Variants in AAK1 observed in about 807,000 individuals in gnomAD.
AAK1 encodes the protein AP2-associated protein kinase 1.
In AAK1, 37 loss-of-function variants were observed where a neutral mutation model predicts 116.0. The observed-to-expected ratio is 0.32, with a 90% confidence interval of 0.25 to 0.42. AAK1 has a LOEUF of 0.42. AAK1 is among the 10% of genes least tolerant of loss of function. AAK1 has a pLI of 1.00. For synonymous variants in AAK1, 458 were observed against 439.9 expected, an observed-to-expected ratio of 1.04 and a Z score of -0.51; for missense variants, 919 against 1,170.6, an observed-to-expected ratio of 0.79 and a Z score of 3.14.
intron 14 of AAK1, among the ~76,000 whole-genome samples, 198 bp from the exon 15 acceptor site, chr2:69,507,776 G>A (rs895332584): frequency 2.7e-5 from 4 of 149,698 alleles, no homozygotes; most frequent in African/African-American, 9.9e-5. Context: ...GCGTGATCTC[G>A]ACTCACTGCA....
intron 17 of AAK1, among the ~76,000 whole-genome samples, chr2:69,487,133 G>C (rs766921723): frequency 3.2e-4 from 48 of 152,286 alleles, no homozygotes; most frequent in Non-Finnish European, 5.3e-4. Flanking sequence ...GCTTTAAAAT[G>C]TAAGGACTCT....
chr2:69,585,906 G>A (rs1403535485), intron 2 of AAK1, among the ~76,000 whole-genome samples: 1 of 152,090 alleles, frequency 6.6e-6, no homozygotes, highest in Non-Finnish European at 1.5e-5. Flanking sequence ...CTATTGAAAA[G>A]CACTAAAGAA....
intron 2 of AAK1, among the ~76,000 whole-genome samples, chr2:69,599,730 T>C (rs963989118): frequency 6.6e-6 from 1 of 152,182 alleles, no homozygotes; most frequent in African/African-American, 2.4e-5. Flanking sequence ...AAGAAAAGCC[T>C]GAATTATTGC....
chr2:69,637,779 G>C (rs1260572781), intron 2 of AAK1, among the ~76,000 whole-genome samples: 5 of 152,058 alleles, frequency 3.3e-5, no homozygotes, highest in African/African-American at 1.2e-4. Context: ...TTTTTTGTGT[G>C]TTTTGTTAAT....
At chr2:69,633,543 G>A (rs1416318355) in intron 2 of AAK1, among the ~76,000 whole-genome samples, 1 of 151,206 alleles carries the variant, frequency 6.6e-6, no homozygotes, top group East Asian at 2.0e-4. Flanking sequence ...AGAGGTTGCA[G>A]TGAGCCAAGA....
At chr2:69,606,036 T>C (rs11887227) in intron 2 of AAK1, among the ~76,000 whole-genome samples, 17,449 of 152,194 alleles carry the variant, frequency 0.11, 2,248 homozygotes, top group African/African-American at 0.3. Flanking sequence ...CCTAGGAACA[T>C]GCTTTGCACT....
chr2:69,622,236 C>T (rs1012794440), intron 2 of AAK1, among the ~76,000 whole-genome samples: 3 of 152,232 alleles, frequency 2.0e-5, no homozygotes, highest in African/African-American at 4.8e-5. Context: ...CTGCTGCCCT[C>T]GATTTCTGGC....
At chr2:69,589,075 A>G (rs1672909275) in intron 2 of AAK1, among the ~76,000 whole-genome samples, 1 of 152,196 alleles carries the variant, frequency 6.6e-6, no homozygotes, top group Non-Finnish European at 1.5e-5. Flanking sequence ...TACTAGTGTC[A>G]GCTGGGGTTA....
chr2:69,467,823 T>TA lies in AAK1; in HGVS notation c.*8045dup, dbSNP rs1674539634. The TA allele has an allele frequency of 5.1e-6, 5 of 985,406 alleles. No individual in the cohort carries two copies. The highest frequency in any genetic ancestry group is 4.7e-5 in the South Asian group (1 of 21,286). 61.0% of individuals were successfully genotyped at this position (985,406 alleles called of 1,614,324 possible). A position where few individuals can be genotyped will look rare whatever the true frequency, so the allele number is the denominator to read the frequency against. ...TCAGTTTATTGGGAAACCAGTCACT[T>TA]AGAGACATTACATTGTAAAGAGAAT... On this transcript the variant is annotated 3_prime_UTR_variant, in exon 22 of 22. Transcript: ENST00000409085.
chr2:69,602,032 T>C (rs1181041394), intron 2 of AAK1, among the ~76,000 whole-genome samples: 1 of 152,152 alleles, frequency 6.6e-6, no homozygotes, highest in African/African-American at 2.4e-5. Context: ...AGTATCCCAG[T>C]CAAAAACACA....
intron 20 of AAK1, chr2:69,478,307 C>T (rs1674927401): frequency 6.6e-6 from 1 of 152,240 alleles, no homozygotes; most frequent in Non-Finnish European, 1.5e-5. Flanking sequence ...CAACCATCTA[C>T]TTGAATTGAC....
intron 16 of AAK1, among the ~76,000 whole-genome samples, 178 bp downstream of exon 16, chr2:69,505,391 T>G (rs1367055978): frequency 9.2e-5 from 14 of 152,078 alleles, no homozygotes; most frequent in Admixed American, 9.2e-4. Context: ...ATCAGAAAGC[T>G]TTTGAATTAA....
intron 2 of AAK1, chr2:69,598,960 C>T (rs1673430625): frequency 2.3e-6 from 1 of 427,610 alleles, no homozygotes; most frequent in Non-Finnish European, 4.7e-6. Context: ...ATTAACTTCA[C>T]ATTCTACCAA....
chr2:69,623,002 A>T (rs893410964), intron 2 of AAK1, among the ~76,000 whole-genome samples: 3 of 152,142 alleles, frequency 2.0e-5, no homozygotes, highest in Non-Finnish European at 2.9e-5. Context: ...GCAGGCTGCC[A>T]GAGACATCAG....
intron 2 of AAK1, among the ~76,000 whole-genome samples, chr2:69,625,433 C>T (rs1391413149): frequency 6.6e-6 from 1 of 152,208 alleles, no homozygotes; most frequent in Non-Finnish European, 1.5e-5. Flanking sequence ...AACACCCTAA[C>T]AGATCTATAA....
intron 17 of AAK1, among the ~76,000 whole-genome samples, chr2:69,487,287 C>T (rs558449800): frequency 6.6e-6 from 1 of 152,328 alleles, no homozygotes; most frequent in East Asian, 1.9e-4. Flanking sequence ...GGCCTTCCAT[C>T]TGCATCAAGG....
At chr2:69,585,275 T>C (rs556659984) in intron 2 of AAK1, among the ~76,000 whole-genome samples, 1 of 152,332 alleles carries the variant, frequency 6.6e-6, no homozygotes, top group African/African-American at 2.4e-5. Context: ...TTGCCCAGGC[T>C]GGTTTCAAAT....
At chr2:69,531,709 T>TTA (rs2105026171) in intron 6 of AAK1, 1 of 1,042,812 alleles carries the variant, frequency 9.6e-7, no homozygotes, top group Non-Finnish European at 1.2e-6. Context: ...GTGATCATAC[T>TTA]TAAAAACATG....
intron 16 of AAK1, among the ~76,000 whole-genome samples, chr2:69,497,834 T>C (rs1388211402): frequency 6.6e-6 from 1 of 152,168 alleles, no homozygotes; most frequent in Non-Finnish European, 1.5e-5. Flanking sequence ...TTATATAAAC[T>C]GTAGCCTGAG....
Sources: allele counts gnomAD v4.1 joint callset (sites outside exome capture counted in the v4.1 genomes callset), GRCh38; gene constraint gnomAD v4.1.1; transcripts MANE v1.5; gene names NCBI Gene and HGNC (gene_info 2026-07-23, HGNC 2026-07-21).